Variants in SYNJ2 observed in about 807,000 individuals in gnomAD.
SYNJ2 encodes polyphosphatidylinositol phosphatase SYNJ2.
Under a neutral mutation model 141.3 loss-of-function variants are expected in SYNJ2, and 116 were observed. The observed-to-expected ratio is 0.82, with a 90% CI of 0.71 to 0.96. SYNJ2 has a LOEUF of 0.96. Ranked by LOEUF, SYNJ2 falls within the 40% of genes least tolerant of loss-of-function variation. SYNJ2 has a pLI of 0.00. For missense variants in SYNJ2, 1,873 were observed against 1,934.8 expected, an observed-to-expected ratio of 0.97 and a Z score of 0.60; for synonymous variants, 745 against 777.7, an observed-to-expected ratio of 0.96 and a Z score of 0.70.
At chr6:158,032,953 A>G (rs903699848) in intron 3 of SYNJ2, among the ~76,000 whole-genome samples, 6 of 152,110 alleles carry the variant, frequency 3.9e-5, no homozygotes, top group African/African-American at 1.4e-4. Flanking sequence ...TAATCATCTC[A>G]TGGTGCATGT....
At chr6:158,011,198 G>A (rs1778257906) in intron 1 of SYNJ2, among the ~76,000 whole-genome samples, 1 of 152,136 alleles carries the variant, frequency 6.6e-6, no homozygotes, top group Admixed American at 6.5e-5. Flanking sequence ...CTGGAGTGAG[G>A]AAGTCATAAG....
chr6:158,089,174 T>C (rs1029157114), intron 24 of SYNJ2, among the ~76,000 whole-genome samples: 10 of 152,084 alleles, frequency 6.6e-5, no homozygotes, highest in African/African-American at 2.4e-4. Flanking sequence ...AAAAGAGATG[T>C]AAATAATGAA....
intron 16 of SYNJ2, among the ~76,000 whole-genome samples, chr6:158,075,121 G>T (rs1020300474): frequency 7.9e-5 from 12 of 151,758 alleles, no homozygotes; most frequent in Non-Finnish European, 1.8e-4. Flanking sequence ...TAGTAGAGAC[G>T]GGTTTTCACC....
intron 16 of SYNJ2, among the ~76,000 whole-genome samples, chr6:158,076,370 G>A (rs1782286538): frequency 6.6e-6 from 1 of 152,170 alleles, no homozygotes; most frequent in Non-Finnish European, 1.5e-5. Context: ...GCAACAAGAA[G>A]ACAGTGGATA....
intron 16 of SYNJ2, 24 bp downstream of exon 16, chr6:158,074,762 T>C: frequency 6.2e-7 from 1 of 1,609,282 alleles, no homozygotes; most frequent in Non-Finnish European, 8.5e-7. Flanking sequence ...TAAAAACATT[T>C]TTTAGCAGCT....
intron 9 of SYNJ2, 25 bp downstream of exon 9, chr6:158,063,897 G>T (rs199811633): frequency 6.2e-7 from 1 of 1,611,922 alleles, no homozygotes; most frequent in Non-Finnish European, 8.5e-7. Context: ...CAGCCTTTTC[G>T]GCCATCTGTG....
At position 158,070,263 on chromosome 6, in the gene SYNJ2, G is replaced by T; in HGVS notation, c.1940+590G>T. ...CCACCTGGGCCTACCCATGGCTTTT[G>T]AATTTCCACCAGCCTTTCGGCGAGC... On this transcript the variant is annotated intron_variant, in intron 14 of 26. Coordinates refer to ENST00000355585, the MANE Select transcript of SYNJ2 (RefSeq NM_003898.4). The surrounding 1 kb of genome is among the most constrained non-coding windows in gnomAD (Gnocchi z 4.0). 1.0e-6 allele frequency: 1 copy of T among 985,492 alleles called. No individual in the cohort carries two copies. Among genetic ancestry groups the T allele is most frequent in the African/African-American group, 1.7e-5 (1 of 57,344 alleles). The allele number at this position is 985,492 out of a possible 1,614,324, so 61.0% of individuals were successfully genotyped here. A position where few individuals can be genotyped will look rare whatever the true frequency, so the allele number is the denominator to read the frequency against.
chr6:158,073,068 T>TAAAA (rs59003520), intron 15 of SYNJ2, among the ~76,000 whole-genome samples: 1 of 134,376 alleles, frequency 7.4e-6, no homozygotes, highest in Non-Finnish European at 1.6e-5. Context: ...AGACTCTGTC[T>TAAAA]AAAAAAAAAA....
At chr6:158,004,147 A>G (rs573244506) in intron 1 of SYNJ2, among the ~76,000 whole-genome samples, 1 of 151,764 alleles carries the variant, frequency 6.6e-6, no homozygotes, top group South Asian at 2.1e-4. Context: ...CCCACACGCC[A>G]TTGTCAGAGG....
At chr6:157,991,596 C>G (rs902365263) in intron 1 of SYNJ2, among the ~76,000 whole-genome samples, 1 of 152,160 alleles carries the variant, frequency 6.6e-6, no homozygotes, top group African/African-American at 2.4e-5. Context: ...CTTTCCTACT[C>G]TGAGATTCCA....
intron 15 of SYNJ2, 96 bp from the exon 16 acceptor site, chr6:158,074,484 A>G (rs1012928900): frequency 4.4e-6 from 6 of 1,366,028 alleles, no homozygotes; most frequent in Non-Finnish European, 6.0e-6. Flanking sequence ...ATTTTGAGAA[A>G]AATACTCCTG....
chr6:158,043,327 G>A lies in SYNJ2; in HGVS notation c.723G>A (p.Met241Ile). 6.2e-7 allele frequency: 1 copy of A among 1,614,050 alleles called. No homozygotes were observed. Among genetic ancestry groups the A allele is most frequent in the Non-Finnish European group, 8.5e-7 (1 of 1,179,918 alleles). Residue 241 changes from methionine (M) to isoleucine (I), a missense_variant, in exon 5 of 27, where the codon ATG becomes ATA. Transcript: ENST00000355585. This position sits in a 1 kb window ranked among gnomAD's most constrained non-coding sequence, Gnocchi z 4.0. ...TCCTTGTGCCGCAGATGATTTACAT[G>A]GACGATGGAGTGTCATCTTTTGTCC... The part of the protein sequence containing the change: ...NFVETEQMIY[M>I]DDGVSSFVQI...
intron 6 of SYNJ2, among the ~76,000 whole-genome samples, chr6:158,058,111 G>T (rs566919904): frequency 1.3e-5 from 2 of 152,030 alleles, no homozygotes; most frequent in Non-Finnish European, 2.9e-5. Context: ...AAAAAATTCC[G>T]CTCATAAACG....
intron 5 of SYNJ2, among the ~76,000 whole-genome samples, chr6:158,045,078 A>T (rs1356106541): frequency 1.5e-5 from 2 of 132,078 alleles, no homozygotes; most frequent in Admixed American, 7.7e-5. Context: ...CCACCCTCTG[A>T]CTCTCAGTTC....
At chr6:158,067,175 C>A (rs1018062535) in intron 12 of SYNJ2, among the ~76,000 whole-genome samples, 1 of 152,198 alleles carries the variant, frequency 6.6e-6, no homozygotes. Flanking sequence ...CCCACCACCA[C>A]GCCCAGCTAA....
At chr6:158,038,629 C>T (rs1273320544) in intron 4 of SYNJ2, among the ~76,000 whole-genome samples, 1 of 152,220 alleles carries the variant, frequency 6.6e-6, no homozygotes, top group Non-Finnish European at 1.5e-5. Flanking sequence ...GGGCTGTCCA[C>T]GTGGGCCTTC....
At chr6:158,042,872 G>A (rs1780024226) in intron 4 of SYNJ2, among the ~76,000 whole-genome samples, 1 of 152,204 alleles carries the variant, frequency 6.6e-6, no homozygotes, top group African/African-American at 2.4e-5. Context: ...TATCACTGGT[G>A]CATTTTATTT....
At position 158,095,956 on chromosome 6, in the gene SYNJ2, C is replaced by A. The variant is rs774099466; in HGVS notation, c.4083C>A (p.Tyr1361Ter). The A allele has an allele frequency of 1.2e-6, 2 of 1,614,196 alleles. No homozygotes were observed. ...GCCAGCTTCTCCAGGGCCTCACTTA[C>A]AATAGCAGTGACAGCCCCTCTGGGC... ...SNSQLLQGLTYNSSDSPSGHP... is the reference protein window; with the variant it reads ...SNSQLLQGLT The change falls in exon 27 of 27, where the codon TAC (tyrosine) becomes TAA (stop). Residue 1361 changes from tyrosine to a stop codon, truncating the protein, a stop_gained. Coordinates refer to ENST00000355585, the MANE Select transcript of SYNJ2 (RefSeq NM_003898.4). LOFTEE classifies it low-confidence loss of function (END_TRUNC).
intron 1 of SYNJ2, among the ~76,000 whole-genome samples, chr6:157,994,710 G>A (rs1256524225): frequency 1.3e-5 from 2 of 152,262 alleles, no homozygotes; most frequent in Non-Finnish European, 2.9e-5. Flanking sequence ...CGCCCTCCAG[G>A]CAGACCACAT....
Sources: allele counts gnomAD v4.1 joint callset (sites outside exome capture counted in the v4.1 genomes callset), GRCh38; gene constraint gnomAD v4.1.1; non-coding constraint Gnocchi (gnomAD v3.1); transcripts MANE v1.5; gene names NCBI Gene and HGNC (gene_info 2026-07-23, HGNC 2026-07-21).